The following FCHSD2 variants were observed in gnomAD, a reference collection of about 807,000 sequenced individuals.
FCHSD2 encodes FCH and double SH3 domains 2.
FCHSD2 carries 38 observed loss-of-function variants against 108.1 expected under a neutral mutation model. That is an observed-to-expected ratio of 0.35 (90% CI 0.27 to 0.46). FCHSD2 has a LOEUF of 0.46. Among genes scored for constraint, FCHSD2 ranks in the 20% least tolerant of loss-of-function variants. FCHSD2 has a pLI of 1.00. For synonymous variants in FCHSD2, 279 were observed against 314.7 expected (o/e 0.89, Z 1.20); for missense variants, 751 against 897.8 (o/e 0.84, Z 2.09).
chr11:73,096,310 G>A (rs959730462), intron 2 of FCHSD2, among the ~76,000 whole-genome samples: 1 of 150,594 alleles, frequency 6.6e-6, no homozygotes, highest in Admixed American at 6.6e-5. Context: ...GGAGGCCAAG[G>A]CAGGTGGATC....
intron 9 of FCHSD2, among the ~76,000 whole-genome samples, chr11:72,910,686 C>A (rs1448463872): frequency 6.6e-6 from 1 of 152,054 alleles, no homozygotes; most frequent in Non-Finnish European, 1.5e-5. Context: ...ACAAACACTG[C>A]GGAAGGCTGC....
intron 2 of FCHSD2, among the ~76,000 whole-genome samples, chr11:73,084,485 G>T (rs915723633): frequency 6.6e-6 from 1 of 152,008 alleles, no homozygotes; most frequent in Non-Finnish European, 1.5e-5. Flanking sequence ...TTAATTCCTG[G>T]GCTCAAGAGA....
chr11:72,902,537 C>T lies in FCHSD2; in HGVS notation c.924+6G>A. 6.5e-7 allele frequency: 1 copy of T among 1,549,266 alleles called. No homozygotes were observed. Among genetic ancestry groups the T allele is most frequent in the Non-Finnish European group, 8.8e-7 (1 of 1,137,942 alleles). On this transcript the variant is annotated splice_donor_region_variant and intron_variant, in intron 10 of 19. Coordinates refer to ENST00000409418, the MANE Select transcript of FCHSD2 (RefSeq NM_014824.3). Reference sequence around the variant, plus strand: ...CACATGAAATGAAAATCTATAATTCCCTTACAGTATCACTGTCACAAGGCT... The same window carrying T: ...CACATGAAATGAAAATCTATAATTCTCTTACAGTATCACTGTCACAAGGCT...
intron 5 of FCHSD2, 23 bp from the exon 6 acceptor site, chr11:72,989,120 CATT>C: frequency 6.3e-7 from 1 of 1,584,328 alleles, no homozygotes; most frequent in Non-Finnish European, 8.6e-7. Flanking sequence ...AAAGTACAAT[CATT>C]ATGATTTTAG....
At chr11:73,134,449 G>A (rs766853105) in intron 2 of FCHSD2, among the ~76,000 whole-genome samples, 4 of 151,898 alleles carry the variant, frequency 2.6e-5, no homozygotes, top group Admixed American at 6.6e-5. Context: ...CAGCTTGGGT[G>A]ACAGGGCGAG....
intron 2 of FCHSD2, among the ~76,000 whole-genome samples, chr11:73,138,796 C>G (rs1861181679): frequency 6.6e-6 from 1 of 151,966 alleles, no homozygotes; most frequent in African/African-American, 2.4e-5. Flanking sequence ...TTAGTAGAGA[C>G]AGGGTTTTAT....
chr11:73,124,721 A>T (rs1860813539), intron 2 of FCHSD2, among the ~76,000 whole-genome samples: 1 of 151,784 alleles, frequency 6.6e-6, no homozygotes, highest in Non-Finnish European at 1.5e-5. Context: ...ACGCCACTGC[A>T]CTCCAGCCTG....
At chr11:72,953,628 G>GC (rs1555061966) in intron 8 of FCHSD2, among the ~76,000 whole-genome samples, 1 of 148,724 alleles carries the variant, frequency 6.7e-6, no homozygotes, top group African/African-American at 2.5e-5. Context: ...CTGCATGGGG[G>GC]AAAAAAAAAA....
At chr11:72,971,051 T>A (rs1856997970) in intron 8 of FCHSD2, among the ~76,000 whole-genome samples, 1 of 152,138 alleles carries the variant, frequency 6.6e-6, no homozygotes, top group Admixed American at 6.5e-5. Flanking sequence ...CGGAGATAAG[T>A]TATCCCTACT....
At chr11:73,140,847 T>G (rs1285357411) in intron 1 of FCHSD2, among the ~76,000 whole-genome samples, 5 of 152,104 alleles carry the variant, frequency 3.3e-5, no homozygotes, top group South Asian at 4.2e-4. Context: ...GGGTTCGAAG[T>G]TAACGGTCAG....
At chr11:72,932,786 A>G (rs191503604) in intron 8 of FCHSD2, among the ~76,000 whole-genome samples, 5 of 152,232 alleles carry the variant, frequency 3.3e-5, no homozygotes, top group Non-Finnish European at 2.9e-5. Flanking sequence ...CTGTCTGTTT[A>G]CCATTCCATC....
intron 3 of FCHSD2, among the ~76,000 whole-genome samples, chr11:73,082,669 AT>A (rs1859724279): frequency 6.6e-6 from 1 of 152,176 alleles, no homozygotes; most frequent in African/African-American, 2.4e-5. Context: ...AGTGGTTACC[AT>A]GTAGAAAATT....
At chr11:73,133,962 T>A (rs1396381557) in intron 2 of FCHSD2, among the ~76,000 whole-genome samples, 1 of 151,828 alleles carries the variant, frequency 6.6e-6, no homozygotes, top group East Asian at 1.9e-4. Context: ...CTAAAACATT[T>A]TAAATTGGCG....
intron 2 of FCHSD2, among the ~76,000 whole-genome samples, chr11:73,096,831 C>CAA (rs1187475882): frequency 1.7e-5 from 2 of 117,996 alleles, no homozygotes. Context: ...TGTCTCAAAA[C>CAA]AAAAAAAAAA....
intron 8 of FCHSD2, among the ~76,000 whole-genome samples, chr11:72,934,760 T>C (rs1471140058): frequency 6.6e-6 from 1 of 152,176 alleles, no homozygotes; most frequent in South Asian, 2.1e-4. Context: ...GTCTCCAATA[T>C]GCAAAAACTT....
chr11:72,955,358 T>C (rs1240647533), intron 8 of FCHSD2, among the ~76,000 whole-genome samples: 2 of 152,196 alleles, frequency 1.3e-5, no homozygotes, highest in Non-Finnish European at 2.9e-5. Context: ...GGGCAAGGTA[T>C]GGAAGAAGGC....
chr11:72,906,982 G>T lies in FCHSD2; in HGVS notation c.829-4344C>A, dbSNP rs189480763. Reference sequence around the variant, plus strand: ...GAAAAACTCAGTGGTAGCTTGATGGGGACAGCATTGAATCCATAAATTACC... The same window carrying T: ...GAAAAACTCAGTGGTAGCTTGATGGTGACAGCATTGAATCCATAAATTACC... On this transcript the variant is annotated intron_variant, in intron 9 of 19. Transcript: ENST00000409418. Among the ~76,000 whole-genome samples, 678 of 152,194 alleles carry T rather than the reference G, an allele frequency of 4.5e-3. 5 individuals are homozygous for T. Among genetic ancestry groups the T allele is most frequent in the African/African-American group, 0.016 (662 of 41,524 alleles).
At position 72,885,148 on chromosome 11, in the gene FCHSD2, C is replaced by G. The variant is rs1036518757; in HGVS notation, c.1146+2322G>C. Reference sequence around the variant, plus strand: ...ATCCAAAAATTTTATTATGATAATCCTGTAAGTACTACCCCAATAAATATG... The same window carrying G: ...ATCCAAAAATTTTATTATGATAATCGTGTAAGTACTACCCCAATAAATATG... On this transcript the variant is annotated intron_variant, in intron 12 of 19. Coordinates refer to ENST00000409418, the MANE Select transcript of FCHSD2 (RefSeq NM_014824.3). Among the ~76,000 whole-genome samples, 3 of 152,252 alleles carry G rather than the reference C, an allele frequency of 2.0e-5. No homozygotes were observed. The East Asian group carries it at 5.8e-4, about 29-fold the overall frequency.
intron 8 of FCHSD2, among the ~76,000 whole-genome samples, chr11:72,943,119 G>A (rs530776593): frequency 2.6e-5 from 4 of 152,218 alleles, no homozygotes; most frequent in African/African-American, 9.6e-5. Context: ...GGCCTCCTGA[G>A]TAGCTAGGAT....
Sources: allele counts gnomAD v4.1 joint callset (sites outside exome capture counted in the v4.1 genomes callset), GRCh38; gene constraint gnomAD v4.1.1; transcripts MANE v1.5; gene names NCBI Gene and HGNC (gene_info 2026-07-23, HGNC 2026-07-21).